Variants in GRIK4 observed in about 807,000 individuals in gnomAD.
GRIK4 encodes glutamate receptor ionotropic, kainate 4.
GRIK4 carries 40 observed loss-of-function variants against 104.9 expected under a neutral mutation model. The ratio of observed to expected loss-of-function variants is 0.38; its 90% CI spans 0.30 to 0.50. The LOEUF (loss-of-function observed/expected upper bound fraction) is 0.50. Ranked by LOEUF, GRIK4 falls within the 20% of genes least tolerant of loss-of-function variation. The probability of loss-of-function intolerance (pLI) is 0.93; values close to 1 mark genes in which losing one functional copy is unlikely to be tolerated. For missense variants in GRIK4, 1,047 were observed against 1,308.1 expected, an observed-to-expected ratio of 0.80 and a Z score of 3.08; for synonymous variants, 485 against 524.9, an observed-to-expected ratio of 0.92 and a Z score of 1.04.
intron 13 of GRIK4, among the ~76,000 whole-genome samples, chr11:120,932,228 A>G (rs536539232): frequency 7.3e-4 from 109 of 148,716 alleles, no homozygotes; most frequent in Non-Finnish European, 1.4e-3. Flanking sequence ...TTTTGCTGTC[A>G]GAGACTGTGC....
At chr11:120,804,469 T>A (rs954039271) in intron 4 of GRIK4, among the ~76,000 whole-genome samples, 1 of 152,194 alleles carries the variant, frequency 6.6e-6, no homozygotes. Context: ...ACAGCTTCCT[T>A]CTTGCTCCTG....
At chr11:120,907,815 G>A (rs1268318980) in intron 13 of GRIK4, among the ~76,000 whole-genome samples, 1 of 152,132 alleles carries the variant, frequency 6.6e-6, no homozygotes, top group Non-Finnish European at 1.5e-5. Flanking sequence ...GCTGGCTTAG[G>A]GAGGATGGGT....
chr11:120,803,852 G>A (rs557847710), intron 4 of GRIK4, among the ~76,000 whole-genome samples: 29 of 152,330 alleles, frequency 1.9e-4, no homozygotes, highest in Non-Finnish European at 3.4e-4. Context: ...TATGCGCTGG[G>A]TACTGCTTTT....
At chr11:120,728,493 A>G (rs1951070617) in intron 3 of GRIK4, among the ~76,000 whole-genome samples, 1 of 152,204 alleles carries the variant, frequency 6.6e-6, no homozygotes, top group Admixed American at 6.5e-5. Context: ...ATTAAACAAG[A>G]TTGAGAGTTA....
Position 120,918,197 on chromosome 11 carries a change from C to G in GRIK4, c.1476+12704C>G, listed in dbSNP as rs1162789285. 2.6e-5 allele frequency among the ~76,000 whole-genome samples: 4 copies of G among 152,130 alleles called. No homozygotes were observed. In the East Asian group the frequency reaches 7.7e-4, roughly 29 times the overall value. ...TCCTCTGCCTTGCTCTCCTTCCCAC[C>G]CAGACTGAGAAATCCAGCTTCTGAT... On this transcript the variant is annotated intron_variant, in intron 13 of 20. Coordinates refer to ENST00000527524, the MANE Select transcript of GRIK4 (RefSeq NM_014619.5).
At chr11:120,640,772 G>A (rs1395661414) in intron 1 of GRIK4, among the ~76,000 whole-genome samples, 3 of 151,628 alleles carry the variant, frequency 2.0e-5, no homozygotes, top group East Asian at 1.9e-4. Context: ...GCTGTGGCGC[G>A]ATCTCAGCTC....
intron 3 of GRIK4, among the ~76,000 whole-genome samples, chr11:120,791,310 G>A (rs574842420): frequency 6.6e-6 from 1 of 152,164 alleles, no homozygotes; most frequent in Non-Finnish European, 1.5e-5. Context: ...TAATAGATGT[G>A]TAGTAATATA....
chr11:120,667,951 A>G (rs981206612), intron 3 of GRIK4, among the ~76,000 whole-genome samples: 12 of 152,188 alleles, frequency 7.9e-5, no homozygotes, highest in Admixed American at 3.3e-4. Context: ...GAAAAGGTTC[A>G]TCGTGTCTGT....
intron 9 of GRIK4, 37 bp from the exon 10 acceptor site, chr11:120,874,029 C>T (rs1317286975): frequency 6.3e-7 from 1 of 1,577,200 alleles, no homozygotes; most frequent in South Asian, 1.1e-5. Context: ...CTACACCTCT[C>T]ACTCCCTCCC....
chr11:120,514,672 C>T (rs938430071), intron 1 of GRIK4, among the ~76,000 whole-genome samples: 1 of 152,096 alleles, frequency 6.6e-6, no homozygotes, highest in African/African-American at 2.4e-5. Context: ...CTCCCTAGAC[C>T]CAACCAACCA....
At chr11:120,933,043 A>G (rs1156864131) in intron 13 of GRIK4, among the ~76,000 whole-genome samples, 1 of 152,240 alleles carries the variant, frequency 6.6e-6, no homozygotes, top group East Asian at 1.9e-4. Context: ...CTGGCTTTCC[A>G]AGCTAGGTAC....
intron 8 of GRIK4, among the ~76,000 whole-genome samples, chr11:120,846,606 A>G (rs984133188): frequency 6.6e-6 from 1 of 152,194 alleles, no homozygotes; most frequent in Non-Finnish European, 1.5e-5. Context: ...AGGAAGTCTC[A>G]GGTGAGATGA....
At position 120,967,189 on chromosome 11, in the gene GRIK4, C is replaced by T; in HGVS notation, c.2267-6C>T. 17 of 1,611,910 alleles carry T rather than the reference C, an allele frequency of 1.1e-5. No homozygotes were observed. Among genetic ancestry groups the T allele is most frequent in the Non-Finnish European group, 1.4e-5 (16 of 1,178,858 alleles). On this transcript the variant is annotated splice_region_variant and splice_polypyrimidine_tract_variant and intron_variant, in intron 18 of 20. Coordinates refer to ENST00000527524, the MANE Select transcript of GRIK4 (RefSeq NM_014619.5). This position sits in a 1 kb window ranked among gnomAD's most constrained non-coding sequence, Gnocchi z 4.2. The stretch of plus-strand genomic sequence containing the variant: ...TGTGTCCTGGGCTCTCCCGTAACCC[C>T]CGCAGGCTCGGTTTTCCGGGACGAG...
chr11:120,753,504 C>T (rs1048285990), intron 3 of GRIK4, among the ~76,000 whole-genome samples: 1 of 152,128 alleles, frequency 6.6e-6, no homozygotes, highest in African/African-American at 2.4e-5. Flanking sequence ...TGGGATCATG[C>T]GTATCCCAAC....
intron 1 of GRIK4, among the ~76,000 whole-genome samples, chr11:120,629,440 G>C (rs1439750580): frequency 6.6e-6 from 1 of 152,110 alleles, no homozygotes; most frequent in South Asian, 2.1e-4. Context: ...AGCTACTGTC[G>C]TTCCTGCCAC....
intron 13 of GRIK4, among the ~76,000 whole-genome samples, chr11:120,912,591 A>G (rs1592072736): frequency 1.3e-5 from 2 of 152,176 alleles, no homozygotes; most frequent in African/African-American, 2.4e-5. Context: ...TTGAGGTCCA[A>G]TGGCAGTGAT....
chr11:120,907,401 C>T (rs1177662787), intron 13 of GRIK4, among the ~76,000 whole-genome samples: 2 of 152,186 alleles, frequency 1.3e-5, no homozygotes, highest in Admixed American at 1.3e-4. Context: ...CATAGACATG[C>T]AGCCACACAC....
chr11:120,688,382 C>G (rs1950306426), intron 3 of GRIK4, among the ~76,000 whole-genome samples: 1 of 152,222 alleles, frequency 6.6e-6, no homozygotes, highest in Non-Finnish European at 1.5e-5. Flanking sequence ...ACAAGAGCAG[C>G]TCTTAGCTGG....
In GRIK4 at chr11:120,952,969, T is replaced by G. The variant is rs1469929032; in HGVS notation, c.1700+5T>G. 1 of 1,580,600 alleles carries G rather than the reference T, an allele frequency of 6.3e-7. No individual in the cohort carries two copies. The highest frequency in any genetic ancestry group is 1.4e-5 in the African/African-American group (1 of 74,010). On this transcript the variant is annotated splice_donor_5th_base_variant and intron_variant, in intron 15 of 20. Coordinates refer to ENST00000527524, the MANE Select transcript of GRIK4 (RefSeq NM_014619.5). The surrounding 1 kb of genome is among the most constrained non-coding windows in gnomAD (Gnocchi z 5.2). ...TGTCCTCTTCCTGGTGGCTCGGTAC[T>G]CTCCTCTTCCCTTCCCTGTCCTTAC...
Sources: gnomAD v4.1 joint callset for allele counts (sites outside exome capture counted in the v4.1 genomes callset) on GRCh38, gnomAD v4.1.1 for gene constraint, Gnocchi (gnomAD v3.1) non-coding constraint, MANE v1.5 for transcripts, NCBI Gene and HGNC (gene_info 2026-07-23, HGNC 2026-07-21) for gene names.